SHISAL2A: variants seen among roughly 807,000 people sequenced by gnomAD.
SHISAL2A encodes protein shisa-like-2A.
A neutral mutation model predicts 11.5 loss-of-function variants in SHISAL2A; 18 were observed. The ratio of observed to expected loss-of-function variants is 1.57; its 90% CI spans 1.08 to 2.33. The LOEUF (loss-of-function observed/expected upper bound fraction) is 2.33. SHISAL2A is among the 30% of genes most tolerant of loss of function. The pLI, the probability that SHISAL2A is intolerant of heterozygous loss-of-function variation, is 0.00. For missense variants in SHISAL2A, 261 were observed against 250.9 expected (o/e 1.04, Z -0.27); for synonymous variants, 94 against 99.6 (o/e 0.94, Z 0.34).
chr1:52,639,053 G>A (rs1228478283), intron 1 of SHISAL2A, among the ~76,000 whole-genome samples: 1 of 152,116 alleles, frequency 6.6e-6, no homozygotes. Flanking sequence ...CATGCCTGTA[G>A]TCCCAGCTAC....
At chr1:52,648,292 A>T (rs1691548655) in intron 2 of SHISAL2A, among the ~76,000 whole-genome samples, 1 of 151,970 alleles carries the variant, frequency 6.6e-6, no homozygotes, top group Admixed American at 6.6e-5. Flanking sequence ...CTAAATGTCC[A>T]TAGGTAGAGG....
intron 1 of SHISAL2A, among the ~76,000 whole-genome samples, chr1:52,642,251 G>A (rs528093491): frequency 1.3e-5 from 2 of 152,262 alleles, no homozygotes; most frequent in Admixed American, 1.3e-4. Context: ...GAGCAGGTGA[G>A]GAAAGTAGGG....
intron 4 of SHISAL2A, among the ~76,000 whole-genome samples, chr1:52,664,291 C>T (rs983014838): frequency 6.7e-6 from 1 of 150,272 alleles, no homozygotes; most frequent in African/African-American, 2.5e-5. Context: ...CTCGGGTTCA[C>T]GCCATTCTCC....
At chr1:52,659,893 A>C (rs1204421731), downstream of SHISAL2A, among the ~76,000 whole-genome samples, 1 of 152,200 alleles carries the variant, frequency 6.6e-6, no homozygotes, top group Non-Finnish European at 1.5e-5. Context: ...GGCTGCTAGC[A>C]GTCAGAAGGG....
intron 1 of SHISAL2A, among the ~76,000 whole-genome samples, chr1:52,641,666 C>T (rs1691367529): frequency 6.6e-6 from 1 of 152,140 alleles, no homozygotes; most frequent in Admixed American, 6.6e-5. Flanking sequence ...CTTGCCTGGG[C>T]ACGGTTGGCT....
rs552202115 is a variant in SHISAL2A, at chr1:52,645,653, C to G, written c.322+2651C>G. On this transcript the variant is annotated intron_variant, in intron 2 of 2. Transcript: ENST00000517870. ...CAAACTCCTGGCCTCAAGCAATCCACCTGCCTTGGCCTCCCAAAGTGCTGG... is the reference window on the plus strand; with the variant it reads ...CAAACTCCTGGCCTCAAGCAATCCAGCTGCCTTGGCCTCCCAAAGTGCTGG... 1.7e-3 allele frequency among the ~76,000 whole-genome samples: 261 copies of G among 152,336 alleles called. 1 individual carries two copies. The highest frequency in any genetic ancestry group is 6.0e-3 in the African/African-American group (249 of 41,584).
Position 52,657,029 on chromosome 1 carries a change from C to A in SHISAL2A, c.562C>A (p.Pro188Thr). The A allele has an allele frequency of 6.2e-7, 1 of 1,603,478 alleles. No individual in the cohort carries two copies. The highest frequency in any genetic ancestry group is 8.5e-7 in the Non-Finnish European group (1 of 1,173,746). Residue 188 changes from proline to threonine, a missense_variant, in exon 3 of 3, where the codon CCA (proline) becomes ACA (threonine). Physicochemically the swap from Pro to Thr is conservative, Grantham distance 38 (BLOSUM62 -1). Coordinates refer to ENST00000517870, the MANE Select transcript of SHISAL2A (RefSeq NM_001042693.3). ...ASVPNPDLCG[P>T]VP is the part of the protein sequence containing the mutation. ...TGTACCCAACCCTGACCTATGTGGACCAGTCCCATAAACATTCAATAAATG... is the reference window on the plus strand; with the variant it reads ...TGTACCCAACCCTGACCTATGTGGAACAGTCCCATAAACATTCAATAAATG...
intron 5 of SHISAL2A, among the ~76,000 whole-genome samples, chr1:52,668,085 G>C (rs1692045077): frequency 6.6e-6 from 1 of 152,200 alleles, no homozygotes; most frequent in Admixed American, 6.5e-5. Flanking sequence ...GTGGCTGGGA[G>C]GTAGCAGGCT....
At chr1:52,648,321 G>A (rs1691549062) in intron 2 of SHISAL2A, among the ~76,000 whole-genome samples, 1 of 151,888 alleles carries the variant, frequency 6.6e-6, no homozygotes, top group Non-Finnish European at 1.5e-5. Flanking sequence ...ATAAACTGTG[G>A]TATAATAGAA....
intron 4 of SHISAL2A, among the ~76,000 whole-genome samples, chr1:52,667,034 G>C (rs1364157597): frequency 6.6e-6 from 1 of 152,216 alleles, no homozygotes; most frequent in African/African-American, 2.4e-5. Flanking sequence ...AGCCCACAAG[G>C]GTCAGGAGGA....
intron 1 of SHISAL2A, among the ~76,000 whole-genome samples, chr1:52,636,066 A>G (rs530864728): frequency 1.3e-5 from 2 of 152,392 alleles, no homozygotes; most frequent in South Asian, 4.1e-4. Context: ...CTGAAATAAG[A>G]TGGCACTGAC....
intron 2 of SHISAL2A, among the ~76,000 whole-genome samples, chr1:52,648,700 C>T (rs576490751): frequency 6.6e-6 from 1 of 152,270 alleles, no homozygotes; most frequent in East Asian, 1.9e-4. Context: ...GCACAAGGGT[C>T]ATACATAGCT....
downstream of SHISAL2A, among the ~76,000 whole-genome samples, chr1:52,658,042 GA>G (rs1691828724): frequency 1.1e-5 from 1 of 87,506 alleles, no homozygotes; most frequent in Non-Finnish European, 2.1e-5. Flanking sequence ...ATTACTAGAA[GA>G]CTTTTTTTTT....
At chr1:52,632,903 C>T (rs1691156503), upstream of SHISAL2A, among the ~76,000 whole-genome samples, 1 of 152,170 alleles carries the variant, frequency 6.6e-6, no homozygotes, top group African/African-American at 2.4e-5. Flanking sequence ...CATCCCCGGG[C>T]CCCTGGGTTT....
chr1:52,667,379 C>G (rs1692032073), intron 4 of SHISAL2A: 2 of 984,236 alleles, frequency 2.0e-6, no homozygotes, highest in Non-Finnish European at 2.4e-6. Context: ...GATTTGTTCA[C>G]ATTCTCTATG....
intron 1 of SHISAL2A, among the ~76,000 whole-genome samples, chr1:52,642,491 T>C (rs932515352): frequency 6.6e-6 from 1 of 151,330 alleles, no homozygotes; most frequent in Non-Finnish European, 1.5e-5. Context: ...AGTGGCACGA[T>C]CTCGGCTCAC....
chr1:52,644,971 T>C (rs1191798166), intron 2 of SHISAL2A, among the ~76,000 whole-genome samples: 4 of 147,556 alleles, frequency 2.7e-5, no homozygotes, highest in Non-Finnish European at 4.5e-5. Flanking sequence ...GAGCAGAAAT[T>C]GCGCCACTGC....
chr1:52,658,190 C>T (rs1441831059), downstream of SHISAL2A, among the ~76,000 whole-genome samples: 1 of 152,114 alleles, frequency 6.6e-6, no homozygotes, highest in Non-Finnish European at 1.5e-5. Flanking sequence ...CAGGTGTGTG[C>T]CACCATGCCT....
chr1:52,644,579 C>G (rs188317612), intron 2 of SHISAL2A, among the ~76,000 whole-genome samples: 5 of 152,188 alleles, frequency 3.3e-5, no homozygotes, highest in Admixed American at 2.6e-4. Context: ...ACAAAATTAG[C>G]TGGGTGTGGT....
Sources: allele counts gnomAD v4.1 joint callset (sites outside exome capture counted in the v4.1 genomes callset), GRCh38; gene constraint gnomAD v4.1.1; transcripts MANE v1.5; gene names NCBI Gene and HGNC (gene_info 2026-07-23, HGNC 2026-07-21).